Variants in CPQ observed in about 807,000 individuals in gnomAD.
CPQ encodes carboxypeptidase Q, also known as Ser-Met dipeptidase.
Under a neutral mutation model 45.7 loss-of-function variants are expected in CPQ, and 37 were observed. The ratio of observed to expected loss-of-function variants is 0.81; its 90% CI spans 0.62 to 1.07. CPQ has a LOEUF of 1.07. Among genes scored for constraint, CPQ ranks in the 50% least tolerant of loss-of-function variants. The pLI is 0.00. For missense variants in CPQ, 537 were observed against 572.9 expected (o/e 0.94, Z 0.64); for synonymous variants, 186 against 205.8 (o/e 0.90, Z 0.82).
chr8:96,729,629 G>T (rs1034442114), intron 1 of CPQ, among the ~76,000 whole-genome samples: 2 of 151,912 alleles, frequency 1.3e-5, no homozygotes, highest in African/African-American at 4.8e-5. Context: ...ATTATTTTGT[G>T]TTTTTTTGCT....
At chr8:96,987,831 T>G (rs532718453) in intron 5 of CPQ, among the ~76,000 whole-genome samples, 1 of 152,208 alleles carries the variant, frequency 6.6e-6, no homozygotes, top group Non-Finnish European at 1.5e-5. Context: ...TAATAATTTT[T>G]TCAAGCGGAG....
At chr8:97,039,604 G>A (rs976144826) in intron 6 of CPQ, among the ~76,000 whole-genome samples, 1 of 150,976 alleles carries the variant, frequency 6.6e-6, no homozygotes, top group Non-Finnish European at 1.5e-5. Flanking sequence ...TTTAGCATTA[G>A]GTATATCTCC....
rs529078567 is a variant in CPQ, at chr8:96,767,842, A to C, written c.-34-17022A>C. 1.4e-3 allele frequency among the ~76,000 whole-genome samples: 218 copies of C among 151,628 alleles called. 4 individuals carry two copies. The highest frequency in any genetic ancestry group is 0.011 in the Admixed American group (169 of 15,220). Reference sequence around the variant, plus strand: ...GTATTTTTAGTAGAGACAGGGTTTCACATGTTGGCCAGGCTGGTCTCGAAC... The same window carrying C: ...GTATTTTTAGTAGAGACAGGGTTTCCCATGTTGGCCAGGCTGGTCTCGAAC... On this transcript the variant is annotated intron_variant, in intron 1 of 7. Coordinates refer to ENST00000220763, the MANE Select transcript of CPQ (RefSeq NM_016134.4).
intron 4 of CPQ, among the ~76,000 whole-genome samples, chr8:96,929,300 A>G (rs1343917155): frequency 6.6e-6 from 1 of 152,196 alleles, no homozygotes. Context: ...CTCTGAACAG[A>G]TGTGACCAAT....
intron 7 of CPQ, among the ~76,000 whole-genome samples, chr8:97,118,824 A>G (rs768524528): frequency 2.0e-5 from 3 of 152,200 alleles, no homozygotes; most frequent in Non-Finnish European, 2.9e-5. Context: ...ATATATACAC[A>G]CATAATATAT....
Position 96,899,923 on chromosome 8 carries a change from C to T in CPQ, c.849+19918C>T, listed in dbSNP as rs528998636. On this transcript the variant is annotated intron_variant, in intron 4 of 7. Coordinates refer to ENST00000220763, the MANE Select transcript of CPQ (RefSeq NM_016134.4). ...AGATAATGGAGGAAGACAGTTTCTTCTATCGTCTAGGGACTTTGAGCCAAT... is the reference window on the plus strand; with the variant it reads ...AGATAATGGAGGAAGACAGTTTCTTTTATCGTCTAGGGACTTTGAGCCAAT... Among the ~76,000 whole-genome samples the T allele has an allele frequency of 1.6e-4, 24 of 152,192 alleles. No homozygotes were observed. The East Asian group carries it at 4.6e-3, about 29-fold the overall frequency.
At chr8:97,010,731 G>T (rs1250925655) in intron 5 of CPQ, among the ~76,000 whole-genome samples, 1 of 151,870 alleles carries the variant, frequency 6.6e-6, no homozygotes, top group Non-Finnish European at 1.5e-5. Flanking sequence ...TCTCCCTCTG[G>T]TATAATCTCC....
chr8:96,707,168 A>G (rs1265111886), intron 1 of CPQ, among the ~76,000 whole-genome samples: 1 of 152,174 alleles, frequency 6.6e-6, no homozygotes, highest in Non-Finnish European at 1.5e-5. Flanking sequence ...TGCAGAGACA[A>G]TGAAGAAACA....
At chr8:96,920,108 G>A (rs1406801049) in intron 4 of CPQ, among the ~76,000 whole-genome samples, 2 of 152,144 alleles carry the variant, frequency 1.3e-5, no homozygotes, top group African/African-American at 2.4e-5. Context: ...ACCTTCATTT[G>A]TTATATATAT....
chr8:96,783,326 A>C (rs1238849417), intron 1 of CPQ, among the ~76,000 whole-genome samples: 2 of 151,992 alleles, frequency 1.3e-5, no homozygotes, highest in East Asian at 3.9e-4. Context: ...ATTTATAAAG[A>C]ATGAAAATTT....
intron 5 of CPQ, among the ~76,000 whole-genome samples, chr8:96,981,275 C>T (rs1813891105): frequency 6.6e-6 from 1 of 152,076 alleles, no homozygotes; most frequent in Non-Finnish European, 1.5e-5. Context: ...ATTTTCCTTT[C>T]TCTGAAATAA....
chr8:96,891,053 C>G (rs1586440231), intron 4 of CPQ, among the ~76,000 whole-genome samples: 2 of 152,242 alleles, frequency 1.3e-5, no homozygotes, highest in Non-Finnish European at 2.9e-5. Context: ...TTCCACCATT[C>G]TATCAATCCA....
chr8:96,770,828 A>AT (rs936148920), intron 1 of CPQ, among the ~76,000 whole-genome samples: 4 of 148,946 alleles, frequency 2.7e-5, no homozygotes, highest in Admixed American at 6.7e-5. Flanking sequence ...ATAGGAGGTG[A>AT]TACCTGAATT....
intron 2 of CPQ, among the ~76,000 whole-genome samples, chr8:96,817,429 G>A (rs964167206): frequency 6.6e-6 from 1 of 152,034 alleles, no homozygotes; most frequent in East Asian, 1.9e-4. Flanking sequence ...TTCTTTTGTA[G>A]CTTCCTTACT....
intron 2 of CPQ, among the ~76,000 whole-genome samples, chr8:96,819,182 A>G (rs891418499): frequency 4.7e-5 from 7 of 149,952 alleles, no homozygotes; most frequent in African/African-American, 1.5e-4. Flanking sequence ...TAAAAACCCA[A>G]TCAGCAAATG....
chr8:97,056,118 A>G (rs1319531587), intron 6 of CPQ, among the ~76,000 whole-genome samples: 1 of 152,066 alleles, frequency 6.6e-6, no homozygotes, highest in Non-Finnish European at 1.5e-5. Flanking sequence ...ACACACACAC[A>G]CACACACACA....
intron 7 of CPQ, among the ~76,000 whole-genome samples, chr8:97,120,765 A>G (rs1811688291): frequency 6.6e-6 from 1 of 152,210 alleles, no homozygotes. Context: ...TAAAATAACA[A>G]TGAAACAATA....
At chr8:97,127,688 CA>C (rs904441402) in intron 7 of CPQ, among the ~76,000 whole-genome samples, 4 of 150,978 alleles carry the variant, frequency 2.6e-5, no homozygotes, top group South Asian at 2.1e-4. Flanking sequence ...GACTCCATCC[CA>C]AAAAAAATGA....
intron 4 of CPQ, among the ~76,000 whole-genome samples, chr8:96,910,299 A>G (rs1222430693): frequency 1.3e-5 from 2 of 152,090 alleles, no homozygotes; most frequent in East Asian, 1.9e-4. Flanking sequence ...TTAAAACTCT[A>G]TTTCAAGGCT....
Sources: allele counts gnomAD v4.1 joint callset (sites outside exome capture counted in the v4.1 genomes callset), GRCh38; gene constraint gnomAD v4.1.1; transcripts MANE v1.5; gene names NCBI Gene and HGNC (gene_info 2026-07-23, HGNC 2026-07-21).